MORN5: variants seen among roughly 807,000 people sequenced by gnomAD.
The protein encoded by MORN5 is MORN repeat-containing protein 5.
MORN5 carries 21 observed loss-of-function variants against 22.1 expected under a neutral mutation model. The ratio of observed to expected loss-of-function variants is 0.95; its 90% confidence interval spans 0.67 to 1.37. The LOEUF (loss-of-function observed/expected upper bound fraction) is 1.37. Ranked by LOEUF, MORN5 falls within the 40% of genes most tolerant of loss-of-function variation. The pLI is 0.00. For synonymous variants in MORN5, 73 were observed against 74.0 expected (o/e 0.99, Z 0.07); for missense variants, 211 against 215.1 (o/e 0.98, Z 0.12).
chr9:122,173,225 C>T (rs1829391796), intron 3 of MORN5, among the ~76,000 whole-genome samples: 1 of 152,204 alleles, frequency 6.6e-6, no homozygotes, highest in South Asian at 2.1e-4. Context: ...TAGCTACTTC[C>T]TTCCCTTGTC....
rs201880013 is a variant in MORN5 at position 122,199,960 on chromosome 9, C to A, written c.*29C>A. 81 of 1,612,990 alleles carry A rather than the reference C, an allele frequency of 5.0e-5. No homozygotes were observed. Among genetic ancestry groups the A allele is most frequent in the Non-Finnish European group, 6.6e-5 (78 of 1,179,082 alleles). On this transcript the variant is annotated 3_prime_UTR_variant, in exon 5 of 5. Coordinates refer to ENST00000373764, the MANE Select transcript of MORN5 (RefSeq NM_198469.4). ...GAGATCGTGGGTCACAGGCCCGAGC[C>A]GTGAACTCTGTGGCTGCCTCCACCA...
intron 4 of MORN5, among the ~76,000 whole-genome samples, chr9:122,187,690 C>T (rs531107165): frequency 1.3e-5 from 2 of 152,110 alleles, no homozygotes; most frequent in African/African-American, 4.8e-5. Flanking sequence ...ATAACATAAA[C>T]CAAAAAAAAG....
At chr9:122,185,731 C>G (rs1187580207) in intron 4 of MORN5, among the ~76,000 whole-genome samples, 1 of 152,198 alleles carries the variant, frequency 6.6e-6, no homozygotes, top group Non-Finnish European at 1.5e-5. Context: ...CTTCCCCTGA[C>G]AGATGAGAAA....
intron 1 of MORN5, among the ~76,000 whole-genome samples, chr9:122,161,457 C>G (rs185427072): frequency 6.6e-6 from 1 of 152,266 alleles, no homozygotes; most frequent in East Asian, 1.9e-4. Flanking sequence ...GTGTGTACTC[C>G]CTCTCACTAC....
rs1488648788 is a variant in MORN5 at position 122,175,770 on chromosome 9, T to G, written c.439+1143T>G. ...GAGCATCCTCTCCCTATAGGGAAATTTACTCAGTAAGTCAGTGATGACCAG... is the reference window on the plus strand; with the variant it reads ...GAGCATCCTCTCCCTATAGGGAAATGTACTCAGTAAGTCAGTGATGACCAG... On this transcript the variant is annotated intron_variant, in intron 4 of 4. Transcript: ENST00000373764. The G allele has an allele frequency of 3.3e-6, 3 of 905,524 alleles. No individual in the cohort carries two copies. In the African/African-American group the frequency reaches 5.4e-5, roughly 16 times the overall value. 56.1% of individuals were successfully genotyped at this position (905,524 alleles called of 1,614,324 possible).
chr9:122,180,652 T>C (rs982871759), intron 4 of MORN5, among the ~76,000 whole-genome samples: 1 of 152,216 alleles, frequency 6.6e-6, no homozygotes, highest in Non-Finnish European at 1.5e-5. Context: ...TTTCACAACC[T>C]TTTCAAAGGT....
intron 1 of MORN5, among the ~76,000 whole-genome samples, chr9:122,161,163 C>T (rs974242875): frequency 1.3e-5 from 2 of 152,122 alleles, no homozygotes; most frequent in Non-Finnish European, 2.9e-5. Flanking sequence ...TGAACCAGTG[C>T]TAGTTGTCGG....
intron 2 of MORN5, among the ~76,000 whole-genome samples, chr9:122,168,570 T>C (rs1829320932): frequency 6.6e-6 from 1 of 152,188 alleles, no homozygotes; most frequent in Non-Finnish European, 1.5e-5. Flanking sequence ...AGTGAATTAA[T>C]AGTATCATTG....
At chr9:122,199,305 C>T (rs1009562835) in intron 4 of MORN5, among the ~76,000 whole-genome samples, 2 of 152,288 alleles carry the variant, frequency 1.3e-5, no homozygotes, top group African/African-American at 4.8e-5. Flanking sequence ...TTGCCCATTG[C>T]GTGGTTGGTC....
chr9:122,194,961 A>G (rs937426231), intron 4 of MORN5, among the ~76,000 whole-genome samples: 66 of 151,982 alleles, frequency 4.3e-4, no homozygotes, highest in African/African-American at 1.5e-3. Flanking sequence ...TGGAGGCTGC[A>G]GTGAGCTGAG....
intron 4 of MORN5, among the ~76,000 whole-genome samples, chr9:122,182,421 G>A (rs998300082): frequency 2.6e-5 from 4 of 152,234 alleles, no homozygotes; most frequent in African/African-American, 9.6e-5. Flanking sequence ...AGCTTATTGT[G>A]GAGGATCCTT....
At chr9:122,194,320 A>T (rs60608662) in intron 4 of MORN5, among the ~76,000 whole-genome samples, 16,699 of 152,168 alleles carry the variant, frequency 0.11, 1,694 homozygotes, top group African/African-American at 0.28. Context: ...AAGCACTGGG[A>T]TATCATAGTG....
At chr9:122,185,998 G>T (rs944416873) in intron 4 of MORN5, among the ~76,000 whole-genome samples, 29 of 152,200 alleles carry the variant, frequency 1.9e-4, no homozygotes, top group African/African-American at 7.0e-4. Flanking sequence ...AGGCTGGCAC[G>T]CGGGGACATC....
chr9:122,173,286 C>G (rs1829392522), intron 3 of MORN5, among the ~76,000 whole-genome samples: 1 of 152,190 alleles, frequency 6.6e-6, no homozygotes, highest in Admixed American at 6.5e-5. Flanking sequence ...ACTCGCCCTG[C>G]CTGCAAGGCA....
intron 1 of MORN5, among the ~76,000 whole-genome samples, chr9:122,163,773 A>C (rs1829236218): frequency 6.6e-6 from 1 of 152,240 alleles, no homozygotes; most frequent in South Asian, 2.1e-4. Context: ...TGGTAGGGCC[A>C]AGCATCAGGA....
chr9:122,196,535 G>T (rs1829895517), intron 4 of MORN5, among the ~76,000 whole-genome samples: 1 of 151,816 alleles, frequency 6.6e-6, no homozygotes, highest in Non-Finnish European at 1.5e-5. Flanking sequence ...GTTTCACCAT[G>T]TTGGCCAGGA....
chr9:122,163,449 A>G (rs895475865), intron 1 of MORN5, among the ~76,000 whole-genome samples: 2 of 152,262 alleles, frequency 1.3e-5, no homozygotes, highest in Non-Finnish European at 2.9e-5. Context: ...GAGGCCACAT[A>G]CAGTCGGAGC....
chr9:122,174,928 A>G (rs1588305256), intron 4 of MORN5: 1 of 942,234 alleles, frequency 1.1e-6, no homozygotes, highest in Non-Finnish European at 1.3e-6. Flanking sequence ...GGCACCTACT[A>G]TATGCTAGAC....
intron 1 of MORN5, among the ~76,000 whole-genome samples, chr9:122,161,571 G>C (rs1829199843): frequency 6.6e-6 from 1 of 152,198 alleles, no homozygotes; most frequent in Non-Finnish European, 1.5e-5. Flanking sequence ...AAGTAACAGA[G>C]TCAGGATTTG....
Sources: gnomAD v4.1 joint callset for allele counts (sites outside exome capture counted in the v4.1 genomes callset) on GRCh38, gnomAD v4.1.1 for gene constraint, MANE v1.5 for transcripts, NCBI Gene and HGNC (gene_info 2026-07-23, HGNC 2026-07-21) for gene names.